Variants in SLIT3 observed in about 807,000 individuals in gnomAD.
The protein encoded by SLIT3 is slit guidance ligand 3.
A neutral mutation model predicts 184.0 loss-of-function variants in SLIT3; 68 were observed. The ratio of observed to expected loss-of-function variants is 0.37; its 90% CI spans 0.30 to 0.45. SLIT3 has a LOEUF of 0.45. Ranked by LOEUF, SLIT3 falls within the 20% of genes least tolerant of loss-of-function variation. SLIT3 has a pLI of 1.00. For missense variants in SLIT3, 1,707 were observed against 2,026.0 expected (o/e 0.84, Z 3.02); for synonymous variants, 831 against 828.6 (o/e 1.00, Z -0.05).
At chr5:168,735,802 G>T (rs1314029797) in intron 20 of SLIT3, among the ~76,000 whole-genome samples, 1 of 151,968 alleles carries the variant, frequency 6.6e-6, no homozygotes, top group Non-Finnish European at 1.5e-5. Context: ...TCTAAAATGA[G>T]AATTGGATCA....
intron 4 of SLIT3, among the ~76,000 whole-genome samples, chr5:169,163,780 T>C (rs1762550641): frequency 1.3e-5 from 2 of 152,172 alleles, no homozygotes; most frequent in African/African-American, 2.4e-5. Context: ...AGTGTCATTC[T>C]ACTGGACAAC....
chr5:169,168,153 C>T (rs1366470847), intron 4 of SLIT3, among the ~76,000 whole-genome samples: 1 of 152,194 alleles, frequency 6.6e-6, no homozygotes, highest in Non-Finnish European at 1.5e-5. Context: ...CCCTCACATC[C>T]TCCTGGGCCC....
intron 1 of SLIT3, among the ~76,000 whole-genome samples, chr5:169,273,911 A>G (rs1471515055): frequency 7.2e-5 from 11 of 152,222 alleles, no homozygotes; most frequent in African/African-American, 2.7e-4. Flanking sequence ...TGGTATATAA[A>G]TAAGTTAATG....
At chr5:168,740,713 G>A (rs1373956916) in intron 20 of SLIT3, among the ~76,000 whole-genome samples, 2 of 152,252 alleles carry the variant, frequency 1.3e-5, no homozygotes, top group African/African-American at 2.4e-5. Flanking sequence ...CACTTTGGAA[G>A]CCATGCCTGG....
intron 10 of SLIT3, among the ~76,000 whole-genome samples, chr5:168,793,242 C>T (rs374949037): frequency 6.6e-6 from 1 of 152,152 alleles, no homozygotes; most frequent in East Asian, 1.9e-4. Flanking sequence ...TCCCCCCTCC[C>T]CTTTTTTCTT....
intron 4 of SLIT3, among the ~76,000 whole-genome samples, chr5:168,996,068 C>T (rs980242108): frequency 1.3e-5 from 2 of 152,176 alleles, no homozygotes; most frequent in Admixed American, 1.3e-4. Flanking sequence ...GCACTTAGCA[C>T]GGGGCCAGGC....
chr5:169,099,707 C>T (rs762722423), intron 4 of SLIT3, among the ~76,000 whole-genome samples: 4 of 152,178 alleles, frequency 2.6e-5, no homozygotes, highest in Non-Finnish European at 5.9e-5. Flanking sequence ...CACAGAATGC[C>T]GGTCATGACC....
At chr5:168,787,412 C>T (rs1756194744) in intron 11 of SLIT3, among the ~76,000 whole-genome samples, 1 of 152,182 alleles carries the variant, frequency 6.6e-6, no homozygotes. Context: ...CCTGTGTGGT[C>T]TCCTCAGGCA....
intron 4 of SLIT3, among the ~76,000 whole-genome samples, chr5:168,886,993 T>A (rs950734934): frequency 3.3e-5 from 5 of 151,618 alleles, no homozygotes; most frequent in African/African-American, 1.2e-4. Context: ...ACTAAAATGC[T>A]TTGGACACAG....
At chr5:169,047,803 G>A (rs1757679096) in intron 4 of SLIT3, among the ~76,000 whole-genome samples, 1 of 152,098 alleles carries the variant, frequency 6.6e-6, no homozygotes, top group Admixed American at 6.5e-5. Context: ...TGGCAGACCA[G>A]GATGTAGCTG....
At chr5:169,103,212 A>G (rs1340017764) in intron 4 of SLIT3, among the ~76,000 whole-genome samples, 1 of 152,224 alleles carries the variant, frequency 6.6e-6, no homozygotes, top group Non-Finnish European at 1.5e-5. Context: ...ATTCAACACA[A>G]AATAGCTCGG....
At chr5:168,821,965 T>C (rs1757549187) in intron 7 of SLIT3, among the ~76,000 whole-genome samples, 1 of 152,218 alleles carries the variant, frequency 6.6e-6, no homozygotes, top group Non-Finnish European at 1.5e-5. Context: ...TGCTTTCTCA[T>C]GAATGCAGTG....
At chr5:168,757,713 G>T (rs1755001562) in intron 16 of SLIT3, among the ~76,000 whole-genome samples, 1 of 152,196 alleles carries the variant, frequency 6.6e-6, no homozygotes, top group Admixed American at 6.5e-5. Context: ...GGGATTACAG[G>T]CGTGAGCCAC....
chr5:168,936,362 G>A (rs1762158411), intron 4 of SLIT3, among the ~76,000 whole-genome samples: 1 of 152,166 alleles, frequency 6.6e-6, no homozygotes. Context: ...AGCCTCCTAA[G>A]TAGCTGGGAT....
intron 4 of SLIT3, chr5:169,023,821 A>G (rs1756700456): frequency 6.6e-6 from 1 of 152,108 alleles, no homozygotes; most frequent in Admixed American, 6.5e-5. Flanking sequence ...TGTTTTACCT[A>G]TCTCTAAAGA....
At chr5:169,231,755 T>A (rs953141625) in intron 3 of SLIT3, among the ~76,000 whole-genome samples, 1 of 152,198 alleles carries the variant, frequency 6.6e-6, no homozygotes, top group Non-Finnish European at 1.5e-5. Context: ...ACTGCCCATA[T>A]TCGAGAGTAA....
chr5:169,231,101 C>G (rs530043462), intron 3 of SLIT3, among the ~76,000 whole-genome samples: 2 of 152,168 alleles, frequency 1.3e-5, no homozygotes, highest in Non-Finnish European at 2.9e-5. Flanking sequence ...ACCACTGTCT[C>G]TGTGGAGTTT....
At chr5:169,144,770 G>A (rs371969490) in intron 4 of SLIT3, among the ~76,000 whole-genome samples, 1 of 152,180 alleles carries the variant, frequency 6.6e-6, no homozygotes, top group African/African-American at 2.4e-5. Flanking sequence ...CCCAAGACCC[G>A]CAAGACGCAA....
At chr5:168,849,444 T>G (rs530013020) in intron 5 of SLIT3, among the ~76,000 whole-genome samples, 1 of 152,348 alleles carries the variant, frequency 6.6e-6, no homozygotes, top group Admixed American at 6.5e-5. Flanking sequence ...TGAATAAATC[T>G]ATCCCTACCA....
Sources: allele counts gnomAD v4.1 joint callset (sites outside exome capture counted in the v4.1 genomes callset), GRCh38; gene constraint gnomAD v4.1.1; transcripts MANE v1.5; gene names NCBI Gene and HGNC (gene_info 2026-07-23, HGNC 2026-07-21).